Variants in SERPINB11 observed in about 807,000 individuals in gnomAD.
SERPINB11 encodes serpin family B member 11.
A neutral mutation model predicts 36.7 loss-of-function variants in SERPINB11; 32 were observed. The ratio of observed to expected loss-of-function variants is 0.87; its 90% CI spans 0.66 to 1.17. SERPINB11 has a LOEUF of 1.17. Ranked by LOEUF, SERPINB11 falls within the 50% of genes most tolerant of loss-of-function variation. SERPINB11 has a pLI of 0.00. For synonymous variants in SERPINB11, 174 were observed against 168.1 expected (o/e 1.04, Z -0.27); for missense variants, 528 against 458.4 (o/e 1.15, Z -1.39).
Position 63,720,155 on chromosome 18 carries a change from G to C in SERPINB11, c.618G>C (p.Glu206Asp), listed in dbSNP as rs1506420. Reference protein sequence around the residue: ...ETVKSPFQLSEGKNVTVEMMY... With the variant: ...ETVKSPFQLSDGKNVTVEMMY... ...TTAAAAGTCCTTTTCAGCTAAGTGAGGTAAGTATTTTATTTTCAGACTCAT... is the reference window on the plus strand; with the variant it reads ...TTAAAAGTCCTTTTCAGCTAAGTGACGTAAGTATTTTATTTTCAGACTCAT... Residue 206 changes from glutamate (E) to aspartate (D), a missense_variant and splice_region_variant, in exon 6 of 8, where the codon GAG becomes GAC. Transcript: ENST00000544088. The C allele has an allele frequency of 6.3e-7, 1 of 1,593,882 alleles. No homozygotes were observed. Among genetic ancestry groups the C allele is most frequent in the African/African-American group, 1.4e-5 (1 of 73,730 alleles).
intron 5 of SERPINB11, among the ~76,000 whole-genome samples, chr18:63,718,407 C>T (rs1394551123): frequency 6.6e-6 from 1 of 151,874 alleles, no homozygotes; most frequent in African/African-American, 2.4e-5. Flanking sequence ...AATTCTAATC[C>T]ATGACCATGA....
intron 1 of SERPINB11, among the ~76,000 whole-genome samples, chr18:63,707,412 C>G (rs183663599): frequency 1.3e-5 from 2 of 152,150 alleles, no homozygotes; most frequent in Non-Finnish European, 2.9e-5. Flanking sequence ...AAGGGGCATG[C>G]AAGGCTTCTA....
At chr18:63,710,522 GA>G (rs959951092) in intron 2 of SERPINB11, among the ~76,000 whole-genome samples, 161 bp downstream of exon 2, 6 of 152,210 alleles carry the variant, frequency 3.9e-5, no homozygotes. Flanking sequence ...ATAATGGTTT[GA>G]TTAATGGAGT....
chr18:63,712,264 AT>A (rs1914544901), intron 3 of SERPINB11, among the ~76,000 whole-genome samples: 1 of 152,358 alleles, frequency 6.6e-6, no homozygotes, highest in African/African-American at 2.4e-5. Flanking sequence ...ATTGCCCTGA[AT>A]ACCCCACTAG....
chr18:63,710,214 T>A lies in SERPINB11; in HGVS notation c.21T>A (p.Ala7=), dbSNP rs776255950. Residue 7 remains alanine (A), a synonymous_variant, in exon 2 of 8, where the codon GCT becomes GCA. Coordinates refer to ENST00000544088, the MANE Select transcript of SERPINB11 (RefSeq NM_001370475.1). ...TAAAAATGGGTTCTCTCAGCACAGC[T>A]AACGTTGAATTTTGCCTTGATGTGT... MGSLST[A]NVEFCLDVFK... is the part of the protein sequence containing the mutation. 1 of 1,611,596 alleles carries A rather than the reference T, an allele frequency of 6.2e-7. No homozygotes were observed. Among genetic ancestry groups the A allele is most frequent in the Non-Finnish European group, 8.5e-7 (1 of 1,178,996 alleles).
At chr18:63,705,238 C>T (rs922309609) in intron 1 of SERPINB11, 3 of 152,114 alleles carry the variant, frequency 2.0e-5, no homozygotes, top group Non-Finnish European at 4.4e-5. Flanking sequence ...CTGTGACTGG[C>T]TATGTTTTTA....
rs1177981748 is a variant in SERPINB11 at position 63,720,156 on chromosome 18, G to T, written c.618+1G>T. ...TAAAAGTCCTTTTCAGCTAAGTGAG[G>T]TAAGTATTTTATTTTCAGACTCATG... On this transcript the variant is annotated splice_donor_variant, in intron 6 of 7. Transcript: ENST00000544088. LOFTEE classifies it high-confidence loss of function. The T allele has an allele frequency of 4.4e-6, 7 of 1,596,136 alleles. No individual in the cohort carries two copies. Among genetic ancestry groups the T allele is most frequent in the Non-Finnish European group, 6.0e-6 (7 of 1,167,498 alleles).
chr18:63,712,833 A>G (rs1914564825), intron 4 of SERPINB11, 140 bp downstream of exon 4: 5 of 976,398 alleles, frequency 5.1e-6, no homozygotes, highest in African/African-American at 1.6e-5. Context: ...AGTTTCAGTG[A>G]AATGGATTTA....
intron 5 of SERPINB11, 70 bp downstream of exon 5, chr18:63,716,222 A>G (rs1914665077): frequency 1.0e-6 from 1 of 980,752 alleles, no homozygotes; most frequent in Admixed American, 2.3e-5. Flanking sequence ...CCACTTGCTA[A>G]AGAGGAAGCT....
At chr18:63,710,797 G>A (rs1023186034) in intron 2 of SERPINB11, among the ~76,000 whole-genome samples, 33 of 152,172 alleles carry the variant, frequency 2.2e-4, no homozygotes, top group Admixed American at 1.4e-3. Context: ...TTTATGGATT[G>A]AAAACTGAGA....
rs1914864829 is a variant in SERPINB11 at position 63,723,164 on chromosome 18, C to G, written c.944C>G (p.Ala315Gly). 1.9e-6 allele frequency: 3 copies of G among 1,612,464 alleles called. No homozygotes were observed. The highest frequency in any genetic ancestry group is 2.5e-6 in the Non-Finnish European group (3 of 1,179,100). ...GVTDLFNQVKADLSGMSPTKG... is the reference protein window; with the variant it reads ...GVTDLFNQVKGDLSGMSPTKG... Reference sequence around the variant, plus strand: ...ACAGATCTCTTCAACCAGGTCAAAGCTGATCTTTCTGGAATGTCACCAACC... The same window carrying G: ...ACAGATCTCTTCAACCAGGTCAAAGGTGATCTTTCTGGAATGTCACCAACC... The change falls in exon 8 of 8, where the codon GCT (alanine) becomes GGT (glycine). Residue 315 changes from alanine to glycine, a missense_variant. Physicochemically the swap from Ala to Gly is moderately conservative, Grantham distance 60. Coordinates refer to ENST00000544088, the MANE Select transcript of SERPINB11 (RefSeq NM_001370475.1).
At chr18:63,717,552 A>G (rs1414650319) in intron 5 of SERPINB11, among the ~76,000 whole-genome samples, 1 of 152,038 alleles carries the variant, frequency 6.6e-6, no homozygotes, top group Middle Eastern at 3.2e-3. Flanking sequence ...AGGCTTGTTA[A>G]CTTTAGCCAC....
chr18:63,720,490 A>G (rs1914781809), intron 6 of SERPINB11: 2 of 324,914 alleles, frequency 6.2e-6, no homozygotes, highest in South Asian at 1.1e-4. Flanking sequence ...TTTTTTTTCT[A>G]GAGAGTTTCT....
intron 6 of SERPINB11, 97 bp downstream of exon 6, chr18:63,720,252 G>T: frequency 9.3e-7 from 1 of 1,080,260 alleles, no homozygotes; most frequent in Non-Finnish European, 1.3e-6. Context: ...TGAAAATATT[G>T]GTCTAGGTTT....
Position 63,720,883 on chromosome 18 carries a change from C to T in SERPINB11, c.671C>T (p.Ala224Val). 1 of 1,583,886 alleles carries T rather than the reference C, an allele frequency of 6.3e-7. No homozygotes were observed. The highest frequency in any genetic ancestry group is 8.6e-7 in the Non-Finnish European group (1 of 1,163,820). ...TATCAAATTGGAACATTTAAACTGG[C>T]CTTTGTAAAGGAGCCGCAGATGCAA... The part of the protein sequence containing the change: ...MMYQIGTFKL[A>V]FVKEPQMQVL... The change falls in exon 7 of 8, where the codon GCC becomes GTC. Residue 224 changes from alanine (A) to valine (V), a missense_variant. Transcript: ENST00000544088.
intron 4 of SERPINB11, among the ~76,000 whole-genome samples, chr18:63,713,526 A>T (rs966884115): frequency 1.3e-5 from 2 of 152,198 alleles, no homozygotes; most frequent in Non-Finnish European, 2.9e-5. Flanking sequence ...GGATGAAAAC[A>T]TGAGTTTCTA....
At chr18:63,720,381 G>A (rs1914777250) in intron 6 of SERPINB11, 1 of 500,788 alleles carries the variant, frequency 2.0e-6, no homozygotes, top group South Asian at 2.4e-5. Context: ...CTCTGGCAGA[G>A]GAGAAAACCC....
intron 5 of SERPINB11, among the ~76,000 whole-genome samples, chr18:63,718,216 C>A (rs146853627): frequency 5.3e-5 from 8 of 152,086 alleles, no homozygotes; most frequent in African/African-American, 1.4e-4. Flanking sequence ...CTCTTGGAAG[C>A]TGGAAGTGTA....
intron 7 of SERPINB11, among the ~76,000 whole-genome samples, chr18:63,721,294 GAA>G (rs1390767447): frequency 1.3e-5 from 2 of 152,192 alleles, no homozygotes; most frequent in Non-Finnish European, 2.9e-5. Flanking sequence ...CTATAGTAAT[GAA>G]GTTATAATGC....
Sources: allele counts gnomAD v4.1 joint callset (sites outside exome capture counted in the v4.1 genomes callset), GRCh38; gene constraint gnomAD v4.1.1; transcripts MANE v1.5; gene names NCBI Gene and HGNC (gene_info 2026-07-23, HGNC 2026-07-21).